Variants in ARHGEF3 observed in about 807,000 individuals in gnomAD.
ARHGEF3 encodes the protein 59.8 kDA protein.
Under a neutral mutation model 63.2 loss-of-function variants are expected in ARHGEF3, and 28 were observed. The observed-to-expected ratio is 0.44, with a 90% confidence interval of 0.33 to 0.61. The LOEUF (loss-of-function observed/expected upper bound fraction) is 0.61. Among genes scored for constraint, ARHGEF3 ranks in the 20% least tolerant of loss-of-function variants. The pLI, the probability that ARHGEF3 is intolerant of heterozygous loss-of-function variation, is 0.03. For missense variants in ARHGEF3, 533 were observed against 659.3 expected (o/e 0.81, Z 2.10); for synonymous variants, 266 against 254.2 (o/e 1.05, Z -0.44).
intron 8 of ARHGEF3, among the ~76,000 whole-genome samples, chr3:56,734,498 G>A (rs2033464129): frequency 6.6e-6 from 1 of 152,144 alleles, no homozygotes; most frequent in African/African-American, 2.4e-5. Context: ...CACTATCTGG[G>A]TGATGAGATC....
At chr3:57,009,820 T>C (rs1702609669) in intron 2 of ARHGEF3, among the ~76,000 whole-genome samples, 1 of 151,856 alleles carries the variant, frequency 6.6e-6, no homozygotes. Context: ...GTAATAATAA[T>C]CATGTTATGA....
intron 2 of ARHGEF3, among the ~76,000 whole-genome samples, chr3:57,002,483 ATATATATATATATGT>A (rs55817937): frequency 0.17 from 6,947 of 40,602 alleles, 1,041 homozygotes; most frequent in Non-Finnish European, 0.22. Flanking sequence ...TATATGTTAT[ATATATATATATATGT>A]TATATATATA....
At chr3:56,966,205 T>C (rs770392152) in intron 2 of ARHGEF3, among the ~76,000 whole-genome samples, 11 of 152,182 alleles carry the variant, frequency 7.2e-5, no homozygotes, top group Non-Finnish European at 1.2e-4. Flanking sequence ...GTATAGGGCC[T>C]GGGTTGGAGC....
At chr3:56,927,066 G>A (rs1006765668) in intron 3 of ARHGEF3, among the ~76,000 whole-genome samples, 2 of 152,230 alleles carry the variant, frequency 1.3e-5, no homozygotes, top group African/African-American at 4.8e-5. Context: ...GTGAGGAATA[G>A]GAGTTCTAAG....
intron 2 of ARHGEF3, among the ~76,000 whole-genome samples, chr3:56,998,964 C>G (rs761551166): frequency 6.6e-6 from 1 of 152,184 alleles, no homozygotes; most frequent in Non-Finnish European, 1.5e-5. Context: ...AAGAAGTCAT[C>G]AGGTTGAAAT....
intron 3 of ARHGEF3, among the ~76,000 whole-genome samples, chr3:56,935,520 A>G (rs1332685294): frequency 6.6e-6 from 1 of 152,164 alleles, no homozygotes; most frequent in Non-Finnish European, 1.5e-5. Context: ...TGCTTTTATG[A>G]GCTGTAACAC....
rs765818616 is a variant in ARHGEF3, at chr3:56,729,494, A to G, written c.1357T>C (p.Cys453Arg). The G allele has an allele frequency of 1.2e-6, 2 of 1,614,194 alleles. No homozygotes were observed. The highest frequency in any genetic ancestry group is 1.7e-6 in the Non-Finnish European group (2 of 1,180,024). ...CIRQAKETVL[C>R]AAGQAGVLDS... ...AGCACCCCAGCTTGCCCGGCAGCAC[A>G]CAAAACTGTTTCTTTGGCTTGACGA... The change falls in exon 10 of 10, where the codon TGT becomes CGT. Residue 453 changes from cysteine to arginine, a missense_variant. Cys to Arg is a radical substitution (Grantham distance 180, BLOSUM62 -3). Transcript: ENST00000296315.
intron 3 of ARHGEF3, among the ~76,000 whole-genome samples, chr3:56,919,713 G>A (rs947568847): frequency 1.3e-5 from 2 of 152,162 alleles, no homozygotes; most frequent in African/African-American, 4.8e-5. Context: ...GATTTTTTAT[G>A]TTTTAATATG....
At chr3:56,850,346 T>A (rs2039634165) in intron 4 of ARHGEF3, among the ~76,000 whole-genome samples, 2 of 152,218 alleles carry the variant, frequency 1.3e-5, no homozygotes, top group African/African-American at 4.8e-5. Flanking sequence ...CTGGCCAACA[T>A]GGTGAAACCT....
chr3:56,866,620 G>C (rs9817595), intron 4 of ARHGEF3, among the ~76,000 whole-genome samples: 5,249 of 152,266 alleles, frequency 0.034, 309 homozygotes, highest in African/African-American at 0.12. Flanking sequence ...AACATATTCT[G>C]AGTGAGATAT....
intron 1 of ARHGEF3, among the ~76,000 whole-genome samples, chr3:57,057,873 A>T (rs1321627081): frequency 6.6e-6 from 1 of 152,152 alleles, no homozygotes; most frequent in East Asian, 1.9e-4. Context: ...TCTTGCTCTC[A>T]CTGATTTTAC....
intron 4 of ARHGEF3, among the ~76,000 whole-genome samples, chr3:56,859,255 A>G (rs2039986789): frequency 6.6e-6 from 1 of 151,934 alleles, no homozygotes; most frequent in Non-Finnish European, 1.5e-5. Context: ...CTCCTGCCTC[A>G]GCCTCCCGAG....
At chr3:57,054,687 A>G (rs1401412010) in intron 1 of ARHGEF3, among the ~76,000 whole-genome samples, 1 of 141,860 alleles carries the variant, frequency 7.0e-6, no homozygotes, top group Non-Finnish European at 1.5e-5. Context: ...CTCTGTCACC[A>G]GGCTGGAGTG....
At chr3:56,876,102 A>G (rs2040578135) in intron 4 of ARHGEF3, among the ~76,000 whole-genome samples, 1 of 152,162 alleles carries the variant, frequency 6.6e-6, no homozygotes, top group Admixed American at 6.5e-5. Flanking sequence ...AAATGGGAGA[A>G]TAGTATGTGC....
At chr3:56,809,490 C>T (rs1311098503) in intron 4 of ARHGEF3, among the ~76,000 whole-genome samples, 1 of 152,030 alleles carries the variant, frequency 6.6e-6, no homozygotes, top group African/African-American at 2.4e-5. Context: ...TCTGGATGCA[C>T]AGTTTGTATA....
At chr3:57,026,795 T>C (rs1703494566) in intron 2 of ARHGEF3, among the ~76,000 whole-genome samples, 1 of 152,342 alleles carries the variant, frequency 6.6e-6, no homozygotes, top group East Asian at 1.9e-4. Flanking sequence ...CTTTAAACAC[T>C]TCTCGATTGT....
intron 1 of ARHGEF3, among the ~76,000 whole-genome samples, chr3:56,799,951 T>C (rs1392702): frequency 0.43 from 65,789 of 152,076 alleles, 17,089 homozygotes; most frequent in Non-Finnish European, 0.56. Flanking sequence ...ATTTCTCACA[T>C]CAGGATATCC....
intron 3 of ARHGEF3, among the ~76,000 whole-genome samples, chr3:56,892,456 A>T (rs1022443491): frequency 6.6e-6 from 1 of 152,202 alleles, no homozygotes; most frequent in African/African-American, 2.4e-5. Flanking sequence ...TTGGTTCATA[A>T]TATGCTATGG....
At chr3:56,767,277 T>A (rs2035753219) in intron 2 of ARHGEF3, among the ~76,000 whole-genome samples, 1 of 151,996 alleles carries the variant, frequency 6.6e-6, no homozygotes, top group Non-Finnish European at 1.5e-5. Context: ...GTGATAGTCA[T>A]TTTGTTTTAA....
Sources: gnomAD v4.1 joint callset for allele counts (sites outside exome capture counted in the v4.1 genomes callset) on GRCh38, gnomAD v4.1.1 for gene constraint, MANE v1.5 for transcripts, NCBI Gene and HGNC (gene_info 2026-07-23, HGNC 2026-07-21) for gene names.